Variants in BBS7 observed in about 807,000 individuals in gnomAD.
The protein encoded by BBS7 is Bardet-Biedl syndrome 7.
BBS7 carries 50 observed loss-of-function variants against 90.3 expected under a neutral mutation model. The observed-to-expected ratio is 0.55, with a 90% CI of 0.44 to 0.70. BBS7 has a LOEUF of 0.70. Among genes scored for constraint, BBS7 ranks in the 30% least tolerant of loss-of-function variants. The pLI, the probability that BBS7 is intolerant of heterozygous loss-of-function variation, is 0.00. For missense variants in BBS7, 729 were observed against 838.9 expected, an observed-to-expected ratio of 0.87 and a Z score of 1.62; for synonymous variants, 235 against 287.4, an observed-to-expected ratio of 0.82 and a Z score of 1.85.
chr4:121,858,846 T>A, intron 5 of BBS7, 146 bp downstream of exon 5: 1 of 765,644 alleles, frequency 1.3e-6, no homozygotes, highest in Non-Finnish European at 2.0e-6. Context: ...GTTAAAAAAA[T>A]TAATATGTCA....
At chr4:121,831,098 G>A (rs992379413) in intron 15 of BBS7, among the ~76,000 whole-genome samples, 16 of 152,152 alleles carry the variant, frequency 1.1e-4, no homozygotes, top group African/African-American at 3.9e-4. Flanking sequence ...CCAACTACTC[G>A]GGAGGTTGAG....
At chr4:121,866,199 T>C (rs542910160) in intron 2 of BBS7, among the ~76,000 whole-genome samples, 2 of 152,288 alleles carry the variant, frequency 1.3e-5, no homozygotes, top group African/African-American at 4.8e-5. Flanking sequence ...ATTGTTTCCT[T>C]TCCTGTGTAG....
intron 1 of BBS7, among the ~76,000 whole-genome samples, chr4:121,869,757 T>G (rs1727482403): frequency 6.6e-6 from 1 of 152,216 alleles, no homozygotes; most frequent in Non-Finnish European, 1.5e-5. Flanking sequence ...TAGGCTGGTC[T>G]CGAACTGCTG....
chr4:121,862,761 T>A (rs1727050927), intron 3 of BBS7, among the ~76,000 whole-genome samples: 2 of 152,178 alleles, frequency 1.3e-5, no homozygotes, highest in East Asian at 3.8e-4. Flanking sequence ...AGCCCCTGGT[T>A]TACAGATGTT....
At chr4:121,826,576 T>TATAC (rs1467399339) in intron 18 of BBS7, among the ~76,000 whole-genome samples, 9 of 152,234 alleles carry the variant, frequency 5.9e-5, no homozygotes, top group Non-Finnish European at 1.3e-4. Flanking sequence ...ATGAAAGGAA[T>TATAC]ATACTATGGT....
chr4:121,869,014 C>T (rs1321173654), intron 1 of BBS7, among the ~76,000 whole-genome samples: 2 of 152,092 alleles, frequency 1.3e-5, no homozygotes, highest in Non-Finnish European at 2.9e-5. Flanking sequence ...TGAAGGATGG[C>T]TTGGAGGGAG....
intron 9 of BBS7, 52 bp downstream of exon 9, chr4:121,848,792 A>T (rs1726147319): frequency 1.4e-6 from 2 of 1,452,664 alleles, no homozygotes; most frequent in Non-Finnish European, 1.9e-6. Flanking sequence ...ATTAAATTTA[A>T]TTTTTTTTGT....
chr4:121,857,948 A>C (rs2149083803), intron 5 of BBS7, among the ~76,000 whole-genome samples: 1 of 152,032 alleles, frequency 6.6e-6, no homozygotes, highest in Admixed American at 6.6e-5. Flanking sequence ...CTGGGATTAC[A>C]GGTGTGTGCT....
At position 121,870,342 on chromosome 4, in the gene BBS7, C is replaced by A. The variant is rs760440531; in HGVS notation, c.-29G>T. On this transcript the variant is annotated 5_prime_UTR_variant, in exon 1 of 19. Coordinates refer to ENST00000264499, the MANE Select transcript of BBS7 (RefSeq NM_176824.3). ...GACTACGCGGAGGGGCTAAGCAGCG[C>A]CGGACAAGAACAGGAGGGACAGAGG... 3 of 1,614,104 alleles carry A rather than the reference C, an allele frequency of 1.9e-6. No homozygotes were observed. Among genetic ancestry groups the A allele is most frequent in the Non-Finnish European group, 2.5e-6 (3 of 1,179,944 alleles).
chr4:121,844,086 T>C lies in BBS7; in HGVS notation c.1231-85A>G, dbSNP rs1246688652. On this transcript the variant is annotated intron_variant, in intron 11 of 18. Coordinates refer to ENST00000264499, the MANE Select transcript of BBS7 (RefSeq NM_176824.3). ...TTATGTTTTCTCTAAGAGTTCTCCT[T>C]AGTTCTAGTTTATATTCATCTTTAA... 6.1e-6 allele frequency: 5 copies of C among 823,508 alleles called. No individual in the cohort carries two copies. In the East Asian group the frequency reaches 8.1e-5, roughly 13 times the overall value. The allele number at this position is 823,508 out of a possible 1,614,324, so 51.0% of individuals were successfully genotyped here.
intron 5 of BBS7, among the ~76,000 whole-genome samples, chr4:121,856,526 C>G (rs781586723): frequency 2.0e-5 from 3 of 151,930 alleles, no homozygotes; most frequent in Non-Finnish European, 4.4e-5. Context: ...ACCAGCCTGA[C>G]CAACATGGTG....
At chr4:121,851,513 TG>T (rs1726321669) in intron 8 of BBS7, among the ~76,000 whole-genome samples, 2 of 151,600 alleles carry the variant, frequency 1.3e-5, no homozygotes, top group Non-Finnish European at 2.9e-5. Flanking sequence ...CCTATAACCA[TG>T]AAATTAGAGA....
intron 10 of BBS7, among the ~76,000 whole-genome samples, chr4:121,846,411 GAA>G (rs1726014154): frequency 6.6e-6 from 1 of 152,052 alleles, no homozygotes; most frequent in African/African-American, 2.4e-5. Context: ...ATGAACAAAG[GAA>G]AAGATTCATT....
intron 6 of BBS7, 65 bp from the exon 7 acceptor site, chr4:121,854,885 ATGT>A (rs1446080552): frequency 2.0e-5 from 28 of 1,422,384 alleles, no homozygotes; most frequent in African/African-American, 7.2e-5. Context: ...TAAAATTAAA[ATGT>A]TGTTATGTAA....
chr4:121,844,452 C>T (rs1042703085), intron 11 of BBS7, among the ~76,000 whole-genome samples: 2 of 152,028 alleles, frequency 1.3e-5, no homozygotes, highest in Middle Eastern at 3.2e-3. Context: ...GTTGCACTGT[C>T]CTATGTGAAT....
In BBS7 at chr4:121,825,899, A is replaced by G; in HGVS notation, c.2109T>C (p.Tyr703=). 6.2e-7 allele frequency: 1 copy of G among 1,613,320 alleles called. No homozygotes were observed. Among genetic ancestry groups the G allele is most frequent in the Non-Finnish European group, 8.5e-7 (1 of 1,179,624 alleles). The change falls in exon 19 of 19, where the codon TAT becomes TAC. Residue 703 remains tyrosine, a synonymous_variant. Transcript: ENST00000264499. ...AGAATGAAATCAATGCATTTTGGTC[A>G]TAACTGTCCAGAATTTCCAATAGAA... The part of the protein sequence containing the change: ...VPLLLEILDS[Y]DQNALISFFD...
At chr4:121,856,388 G>A (rs184180849) in intron 5 of BBS7, among the ~76,000 whole-genome samples, 2 of 152,244 alleles carry the variant, frequency 1.3e-5, no homozygotes, top group African/African-American at 4.8e-5. Flanking sequence ...ATACTCACAT[G>A]GAAAAAATAT....
chr4:121,853,203 T>C (rs1726417896), intron 7 of BBS7, 117 bp from the exon 8 acceptor site: 1 of 1,020,930 alleles, frequency 9.8e-7, no homozygotes, highest in African/African-American at 1.6e-5. Context: ...CAAAAAAACT[T>C]TGACCAAAAT....
chr4:121,826,307 C>G (rs944865336), intron 18 of BBS7, among the ~76,000 whole-genome samples: 3 of 152,122 alleles, frequency 2.0e-5, no homozygotes, highest in Non-Finnish European at 4.4e-5. Context: ...TATATTTTTT[C>G]CACCAAGCTG....
Sources: gnomAD v4.1 joint callset for allele counts (sites outside exome capture counted in the v4.1 genomes callset) on GRCh38, gnomAD v4.1.1 for gene constraint, MANE v1.5 for transcripts, NCBI Gene and HGNC (gene_info 2026-07-23, HGNC 2026-07-21) for gene names.